The following AJAP1 variants were observed in gnomAD, a reference collection of about 807,000 sequenced individuals.
AJAP1 encodes adherens junctions associated protein 1.
A neutral mutation model predicts 35.0 loss-of-function variants in AJAP1; 5 were observed. The observed-to-expected ratio is 0.14, with a 90% CI of 0.07 to 0.30. AJAP1 has a LOEUF of 0.30. Among genes scored for constraint, AJAP1 ranks in the 10% least tolerant of loss-of-function variants. The pLI, the probability that AJAP1 is intolerant of heterozygous loss-of-function variation, is 1.00. For synonymous variants in AJAP1, 284 were observed against 249.3 expected (o/e 1.14, Z -1.31); for missense variants, 586 against 571.0 (o/e 1.03, Z -0.27).
rs200682869 is a variant in AJAP1 at position 4,755,076 on chromosome 1, G to GCCGT, written c.830-14776_830-14773dup. 4.0e-3 allele frequency among the ~76,000 whole-genome samples: 610 copies of GCCGT among 152,274 alleles called. 4 individuals are homozygous for GCCGT. Among genetic ancestry groups the GCCGT allele is most frequent in the African/African-American group, 0.013 (554 of 41,554 alleles). On this transcript the variant is annotated intron_variant, in intron 2 of 5. Transcript: ENST00000378191. ...ATGTGCCCTCCCTGCAGCCCATGGA[G>GCCGT]CCGTGGTTGGGTGGCACTGCCCACT...
rs1256623317 is a variant in AJAP1 at position 4,786,002 on chromosome 1, TTGTC to T, written c.*3520_*3523del. 3.3e-5 allele frequency: 5 copies of T among 152,184 alleles called. No individual in the cohort carries two copies. Among genetic ancestry groups the T allele is most frequent in the African/African-American group, 1.2e-4 (5 of 41,440 alleles). The allele number at this position is 152,184 out of a possible 1,614,324, so 9.4% of individuals were successfully genotyped here. A position where few individuals can be genotyped will look rare whatever the true frequency, so the allele number is the denominator to read the frequency against. On this transcript the variant is annotated 3_prime_UTR_variant, in exon 6 of 6. Transcript: ENST00000378191. Reference sequence around the variant, plus strand: ...TAGTCTTCACACGCTTGATGTCACTTTGTCTGATTGGAATATGCGTGTCATTGCT... The same window carrying T: ...TAGTCTTCACACGCTTGATGTCACTTTGATTGGAATATGCGTGTCATTGCT...
chr1:4,770,151 C>G (rs1641803218), intron 3 of AJAP1, among the ~76,000 whole-genome samples: 1 of 152,230 alleles, frequency 6.6e-6, no homozygotes, highest in Non-Finnish European at 1.5e-5. Flanking sequence ...GCGAGCCCAG[C>G]CTTTGTGACA....
chr1:4,741,910 A>G (rs1471889369), intron 2 of AJAP1, among the ~76,000 whole-genome samples: 1 of 152,254 alleles, frequency 6.6e-6, no homozygotes, highest in Non-Finnish European at 1.5e-5. Context: ...CCCACTGGCC[A>G]AATCAGAGAC....
At chr1:4,697,591 C>T (rs967918061) in intron 1 of AJAP1, among the ~76,000 whole-genome samples, 3 of 152,220 alleles carry the variant, frequency 2.0e-5, no homozygotes, top group South Asian at 2.1e-4. Context: ...AAGGTGGGCA[C>T]GTGAGTCCCA....
Position 4,692,424 on chromosome 1 carries a change from G to A in AJAP1, c.30-19476G>A, listed in dbSNP as rs1347397173. Among the ~76,000 whole-genome samples, 4 of 152,184 alleles carry A rather than the reference G, an allele frequency of 2.6e-5. No homozygotes were observed. Among genetic ancestry groups the A allele is most frequent in the Non-Finnish European group, 5.9e-5 (4 of 68,026 alleles). Reference sequence around the variant, plus strand: ...TGCAGCAGAGGGATATAGCCTCCGTGGGACTCATCATTACGAGGACTTGTA... The same window carrying A: ...TGCAGCAGAGGGATATAGCCTCCGTAGGACTCATCATTACGAGGACTTGTA... On this transcript the variant is annotated intron_variant, in intron 1 of 5. Coordinates refer to ENST00000378191, the MANE Select transcript of AJAP1 (RefSeq NM_018836.4). The surrounding 1 kb of genome is among the most constrained non-coding windows in gnomAD (Gnocchi z 4.4).
chr1:4,787,685 C>G lies in AJAP1; in HGVS notation c.*5200C>G, dbSNP rs1482374781. On this transcript the variant is annotated 3_prime_UTR_variant, in exon 6 of 6. Transcript: ENST00000378191. Reference sequence around the variant, plus strand: ...GGGCACTGGCTCTGCCCAGCCCCTCCCATGTTGGTCCCATCTGTCAGGTTG... The same window carrying G: ...GGGCACTGGCTCTGCCCAGCCCCTCGCATGTTGGTCCCATCTGTCAGGTTG... The G allele has an allele frequency of 4.4e-6, 2 of 456,146 alleles. No homozygotes were observed. The highest frequency in any genetic ancestry group is 8.8e-6 in the Non-Finnish European group (2 of 226,920). The allele number at this position is 456,146 out of a possible 1,614,324, so 28.3% of individuals were successfully genotyped here. A position where few individuals can be genotyped will look rare whatever the true frequency, so the allele number is the denominator to read the frequency against.
At chr1:4,714,158 AC>A in intron 2 of AJAP1, among the ~76,000 whole-genome samples, 1 of 152,250 alleles carries the variant, frequency 6.6e-6, no homozygotes, top group South Asian at 2.1e-4. Context: ...CTATGGAAGC[AC>A]AGCCTGGGCT....
intron 1 of AJAP1, among the ~76,000 whole-genome samples, chr1:4,678,895 G>A (rs1328411843): frequency 6.6e-6 from 1 of 152,220 alleles, no homozygotes; most frequent in Non-Finnish European, 1.5e-5. Context: ...AACATCTTAT[G>A]TAATCCTCAT....
At chr1:4,705,275 G>A (rs183305304) in intron 1 of AJAP1, among the ~76,000 whole-genome samples, 44 of 151,486 alleles carry the variant, frequency 2.9e-4, no homozygotes, top group Non-Finnish European at 5.0e-4. Flanking sequence ...ACCTAAAACC[G>A]TAAAAACCCT....
intron 4 of AJAP1, 89 bp from the exon 5 acceptor site, chr1:4,774,338 A>G: frequency 1.7e-6 from 2 of 1,211,792 alleles, no homozygotes; most frequent in Middle Eastern, 1.9e-4. Context: ...TCAAGAAGCC[A>G]GTCCCCACCA....
At chr1:4,657,832 T>A (rs1638915744) in intron 1 of AJAP1, among the ~76,000 whole-genome samples, 1 of 151,868 alleles carries the variant, frequency 6.6e-6, no homozygotes, top group South Asian at 2.1e-4. Flanking sequence ...TTTTTTCTTT[T>A]CCCCCCAAGA....
intron 1 of AJAP1, among the ~76,000 whole-genome samples, chr1:4,697,948 C>T (rs1206035400): frequency 4.6e-5 from 7 of 152,238 alleles, no homozygotes; most frequent in African/African-American, 7.2e-5. Flanking sequence ...TCTTTTCCTC[C>T]AGCCAGCTTC....
rs1642236584 is a variant in AJAP1, at chr1:4,790,845, C to T, written c.*8360C>T. On this transcript the variant is annotated 3_prime_UTR_variant, in exon 6 of 6. Coordinates refer to ENST00000378191, the MANE Select transcript of AJAP1 (RefSeq NM_018836.4). ...CTTCAAACAGTGTGTCGATATGAAACATTGAGATTTGGCAGAAACATGTGC... is the reference window on the plus strand; with the variant it reads ...CTTCAAACAGTGTGTCGATATGAAATATTGAGATTTGGCAGAAACATGTGC... The T allele has an allele frequency of 6.6e-6, 1 of 152,204 alleles. No individual in the cohort carries two copies. The highest frequency in any genetic ancestry group is 1.5e-5 in the Non-Finnish European group (1 of 68,038). 9.4% of individuals were successfully genotyped at this position (152,204 alleles called of 1,614,324 possible). A position where few individuals can be genotyped will look rare whatever the true frequency, so the allele number is the denominator to read the frequency against.
At chr1:4,690,186 A>AG (rs1204932525) in intron 1 of AJAP1, among the ~76,000 whole-genome samples, 2 of 152,080 alleles carry the variant, frequency 1.3e-5, no homozygotes, top group Non-Finnish European at 2.9e-5. Context: ...AGGCCCGAGG[A>AG]GGGGATGCGC....
intron 2 of AJAP1, among the ~76,000 whole-genome samples, 165 bp from the exon 3 acceptor site, chr1:4,769,685 CGAG>C (rs560406262): frequency 1.8e-4 from 28 of 152,234 alleles, no homozygotes; most frequent in African/African-American, 6.7e-4. Flanking sequence ...GGCCTGCAGT[CGAG>C]GAGGAGAGAA....
intron 2 of AJAP1, among the ~76,000 whole-genome samples, chr1:4,750,589 C>T (rs745780573): frequency 6.6e-6 from 1 of 151,880 alleles, no homozygotes; most frequent in Non-Finnish European, 1.5e-5. Context: ...CAGTTACAGA[C>T]AGAGCAGTGC....
chr1:4,668,615 G>A (rs1005006546), intron 1 of AJAP1, among the ~76,000 whole-genome samples: 3 of 152,150 alleles, frequency 2.0e-5, no homozygotes, highest in Non-Finnish European at 4.4e-5. Flanking sequence ...TGGTGCCTGA[G>A]GACTCCAAGA....
chr1:4,729,355 G>T (rs1640747457), intron 2 of AJAP1, among the ~76,000 whole-genome samples: 1 of 152,238 alleles, frequency 6.6e-6, no homozygotes, highest in Non-Finnish European at 1.5e-5. Flanking sequence ...AGTGCGGGCT[G>T]CCCTGTGAGA....
intron 2 of AJAP1, among the ~76,000 whole-genome samples, chr1:4,726,033 G>A (rs1170543142): frequency 6.6e-6 from 1 of 152,236 alleles, no homozygotes; most frequent in African/African-American, 2.4e-5. Flanking sequence ...TGGCCCACCT[G>A]GGAGAGTGCC....
Sources: gnomAD v4.1 joint callset for allele counts (sites outside exome capture counted in the v4.1 genomes callset) on GRCh38, gnomAD v4.1.1 for gene constraint, Gnocchi (gnomAD v3.1) non-coding constraint, MANE v1.5 for transcripts, NCBI Gene and HGNC (gene_info 2026-07-23, HGNC 2026-07-21) for gene names.